TTC24: variants seen among roughly 807,000 people sequenced by gnomAD.
TTC24 encodes tetratricopeptide repeat protein 24.
Under a neutral mutation model 63.3 loss-of-function variants are expected in TTC24, and 54 were observed. The observed-to-expected ratio is 0.85, with a 90% CI of 0.69 to 1.07. The LOEUF (loss-of-function observed/expected upper bound fraction) is 1.07, where lower values mean the gene tolerates loss of function less well. Among genes scored for constraint, TTC24 ranks in the 50% least tolerant of loss-of-function variants. The probability of loss-of-function intolerance (pLI) is 0.00; values close to 1 mark genes in which losing one functional copy is unlikely to be tolerated. For missense variants in TTC24, 680 were observed against 730.5 expected (o/e 0.93, Z 0.80); for synonymous variants, 276 against 304.3 (o/e 0.91, Z 0.97).
At position 156,583,695 on chromosome 1, in the gene TTC24, G is replaced by GC. The variant is rs1677070049; in HGVS notation, c.1153-96dup. On this transcript the variant is annotated intron_variant, in intron 5 of 10. Transcript: ENST00000368236. This position sits in a 1 kb window ranked among gnomAD's most constrained non-coding sequence, Gnocchi z 4.0. ...TGGGGTAGAAGAGAGGGGAAACAAA[G>GC]CCCCCCTCCCCCCTCCCTTTCCTGT... 8 of 1,029,354 alleles carry GC rather than the reference G, an allele frequency of 7.8e-6. No homozygotes were observed. The highest frequency in any genetic ancestry group is 2.2e-5 in the Admixed American group (1 of 45,258). The allele number at this position is 1,029,354 out of a possible 1,614,324, so 63.8% of individuals were successfully genotyped here.
rs1676944538 is a variant in TTC24, at chr1:156,579,751, C to T, written c.-12C>T. ...CCAGAGAGCCAGCTGCGGAGAAGAC[C>T]CAAGGAGGTAAGGTGTCCTGCAGTG... On this transcript the variant is annotated 5_prime_UTR_variant, in exon 1 of 11. Coordinates refer to ENST00000368236, the MANE Select transcript of TTC24 (RefSeq NM_001105669.4). 1 of 152,042 alleles carries T rather than the reference C, an allele frequency of 6.6e-6. No individual in the cohort carries two copies. Among genetic ancestry groups the T allele is most frequent in the Non-Finnish European group, 1.5e-5 (1 of 68,054 alleles). 9.4% of individuals were successfully genotyped at this position (152,042 alleles called of 1,614,324 possible). A position where few individuals can be genotyped will look rare whatever the true frequency, so the allele number is the denominator to read the frequency against.
intron 6 of TTC24, among the ~76,000 whole-genome samples, chr1:156,584,347 G>C (rs1238189761): frequency 4.6e-5 from 7 of 152,052 alleles, no homozygotes; most frequent in Admixed American, 3.3e-4. Context: ...GGGTCTCTCT[G>C]TACGATTCGT....
In TTC24 at chr1:156,583,455, G is replaced by A. The variant is rs780481380; in HGVS notation, c.1152+5G>A. The A allele has an allele frequency of 8.2e-6, 13 of 1,585,914 alleles. No individual in the cohort carries two copies. Among genetic ancestry groups the A allele is most frequent in the Non-Finnish European group, 8.6e-6 (10 of 1,168,682 alleles). On this transcript the variant is annotated splice_donor_5th_base_variant and intron_variant, in intron 5 of 10. Transcript: ENST00000368236. The surrounding 1 kb of genome is among the most constrained non-coding windows in gnomAD (Gnocchi z 4.0). ...GAAGCACTGGCCCAGTGTCAGGTGA[G>A]ACCCCGCACACCGGAATCCACCTCT...
intron 7 of TTC24, 70 bp downstream of exon 7, chr1:156,585,044 G>A (rs1233598525): frequency 2.1e-5 from 33 of 1,544,136 alleles, no homozygotes; most frequent in Non-Finnish European, 1.5e-5. Flanking sequence ...TCGCAGTGGG[G>A]TAGGACCCCA....
rs1677140779 is a variant in TTC24 at position 156,585,836 on chromosome 1, G to A, written c.1570+10G>A. On this transcript the variant is annotated intron_variant, in intron 9 of 10. Coordinates refer to ENST00000368236, the MANE Select transcript of TTC24 (RefSeq NM_001105669.4). ...AAAGCCTCCATCTATAGTGAGCAGTGCATCCCCTGACACCGCCCCAACTCG... is the reference window on the plus strand; with the variant it reads ...AAAGCCTCCATCTATAGTGAGCAGTACATCCCCTGACACCGCCCCAACTCG... The A allele has an allele frequency of 6.2e-7, 1 of 1,605,868 alleles. No individual in the cohort carries two copies. The highest frequency in any genetic ancestry group is 1.7e-5 in the Admixed American group (1 of 59,988).
At position 156,583,294 on chromosome 1, in the gene TTC24, G is replaced by C. The variant is rs1677057921; in HGVS notation, c.1040-44G>C. The C allele has an allele frequency of 6.2e-7, 1 of 1,604,098 alleles. No homozygotes were observed. The highest frequency in any genetic ancestry group is 1.3e-5 in the African/African-American group (1 of 74,162). Reference sequence around the variant, plus strand: ...TGCCTCTGAGGGGGTGGATCAGTGGGGTAGGAAGTCATGAAAGGACCTTCC... The same window carrying C: ...TGCCTCTGAGGGGGTGGATCAGTGGCGTAGGAAGTCATGAAAGGACCTTCC... On this transcript the variant is annotated intron_variant, in intron 4 of 10. Transcript: ENST00000368236. This position sits in a 1 kb window ranked among gnomAD's most constrained non-coding sequence, Gnocchi z 4.0.
Position 156,582,402 on chromosome 1 carries a change from G to A in TTC24, c.878G>A (p.Arg293Gln), listed in dbSNP as rs771950910. ...HNALGNYQEA[R>Q]EFHQKAADLH... The stretch of plus-strand genomic sequence containing the variant: ...GCCCTCGGCAACTATCAGGAAGCTC[G>A]GGAGTTTCACCAGAAGGCTGCTGAC... Residue 293 changes from arginine to glutamine, a missense_variant, in exon 3 of 11, where the codon CGG becomes CAG. Coordinates refer to ENST00000368236, the MANE Select transcript of TTC24 (RefSeq NM_001105669.4). 53 of 1,613,766 alleles carry A rather than the reference G, an allele frequency of 3.3e-5. No individual in the cohort carries two copies. The highest frequency in any genetic ancestry group is 6.7e-5 in the African/African-American group (5 of 74,912).
rs764679847 is a variant in TTC24 at position 156,581,580 on chromosome 1, C to T, written c.216C>T (p.Thr72=). The T allele has an allele frequency of 1.9e-6, 3 of 1,551,512 alleles. No individual in the cohort carries two copies. Among genetic ancestry groups the T allele is most frequent in the African/African-American group, 1.4e-5 (1 of 73,052 alleles). ...TTCTGGCCTCCAAGGCCCCACAAAC[C>T]AGGGATACCCCTGTGCTCCAGGCCT... ...AFLLASKAPQ[T]RDTPVLQACA... The change falls in exon 2 of 11, where the codon ACC becomes ACT. Residue 72 remains threonine (T), a synonymous_variant. Transcript: ENST00000368236.
rs1309035106 is a variant in TTC24 at position 156,585,764 on chromosome 1, G to T, written c.1508G>T (p.Cys503Phe). 3.7e-6 allele frequency: 6 copies of T among 1,613,774 alleles called. No homozygotes were observed. The highest frequency in any genetic ancestry group is 4.2e-6 in the Non-Finnish European group (5 of 1,179,882). Residue 503 changes from cysteine (C) to phenylalanine (F), a missense_variant, in exon 9 of 11, where the codon TGC becomes TTC. Physicochemically the swap from Cys to Phe is radical, Grantham distance 205. Transcript: ENST00000368236. ...CATTCGCACCATCTAGCTTCTAGTT[G>T]CCCCACGTTTACCAAGCACACGCCC... ...VNHSHHLASS[C>F]PTFTKHTPCR...
intron 6 of TTC24, among the ~76,000 whole-genome samples, chr1:156,584,171 T>C (rs2102475626): frequency 6.6e-6 from 1 of 151,990 alleles, no homozygotes; most frequent in South Asian, 2.1e-4. Flanking sequence ...TGCAAGGAGG[T>C]AGAAAGTTTC....
rs1275980304 is a variant in TTC24 at position 156,581,327 on chromosome 1, C to T, written c.-4-34C>T. The T allele has an allele frequency of 5.6e-6, 8 of 1,439,110 alleles. No homozygotes were observed. In the East Asian group the frequency reaches 2.0e-4, roughly 36 times the overall value. The allele number at this position is 1,439,110 out of a possible 1,614,324, so 89.1% of individuals were successfully genotyped here. A position where few individuals can be genotyped will look rare whatever the true frequency, so the allele number is the denominator to read the frequency against. ...TCCTGCTATCTAGAGGAAGCCAAGG[C>T]TGACATACTGAGCCCTCTGTTCCCC... On this transcript the variant is annotated intron_variant, in intron 1 of 10. Transcript: ENST00000368236.
Position 156,583,927 on chromosome 1 carries a change from G to A in TTC24, c.1251+32G>A. ...TGACACCTGAGACAAGGAGATGGGG[G>A]TGGAGAGAGGTTACCCAGAGAAGGG... On this transcript the variant is annotated intron_variant, in intron 6 of 10. Coordinates refer to ENST00000368236, the MANE Select transcript of TTC24 (RefSeq NM_001105669.4). This position sits in a 1 kb window ranked among gnomAD's most constrained non-coding sequence, Gnocchi z 4.0. The A allele has an allele frequency of 6.5e-7, 1 of 1,530,758 alleles. No individual in the cohort carries two copies. The highest frequency in any genetic ancestry group is 8.9e-7 in the Non-Finnish European group (1 of 1,126,564). 94.8% of individuals were successfully genotyped at this position (1,530,758 alleles called of 1,614,324 possible). A position where few individuals can be genotyped will look rare whatever the true frequency, so the allele number is the denominator to read the frequency against.
intron 8 of TTC24, 156 bp downstream of exon 8, chr1:156,585,387 TG>T: frequency 1.6e-6 from 1 of 611,206 alleles, no homozygotes; most frequent in Non-Finnish European, 2.8e-6. Context: ...GCGCCACCCC[TG>T]ACCCTGGCTG....
Position 156,583,862 on chromosome 1 carries a change from G to T in TTC24, c.1218G>T (p.Leu406Phe). The T allele has an allele frequency of 6.3e-7, 1 of 1,584,572 alleles. No individual in the cohort carries two copies. The highest frequency in any genetic ancestry group is 2.3e-5 in the East Asian group (1 of 43,388). Reference sequence around the variant, plus strand: ...TGGCAGACACCGTGAGGACGCGCTTGGCCCAGGTGGGGCTGGTCCAGACTC... The same window carrying T: ...TGGCAGACACCGTGAGGACGCGCTTTGCCCAGGTGGGGCTGGTCCAGACTC... ...AKLADTVRTR[L>F]AQVGLVQTHT... is the part of the protein sequence containing the mutation. The change falls in exon 6 of 11, where the codon TTG (leucine) becomes TTT (phenylalanine). Residue 406 changes from leucine to phenylalanine, a missense_variant. Physicochemically the swap from Leu to Phe is conservative, Grantham distance 22. Coordinates refer to ENST00000368236, the MANE Select transcript of TTC24 (RefSeq NM_001105669.4). The surrounding 1 kb of genome is among the most constrained non-coding windows in gnomAD (Gnocchi z 4.0).
At chr1:156,585,554 T>C in intron 8 of TTC24, 159 bp from the exon 9 acceptor site, 2 of 634,020 alleles carry the variant, frequency 3.2e-6, no homozygotes, top group Middle Eastern at 3.0e-4. Context: ...CCCCAGGGTT[T>C]TGCTGAAAGC....
chr1:156,585,231 C>T lies in TTC24; in HGVS notation c.1456C>T (p.Leu486=), dbSNP rs755338945. 2.5e-6 allele frequency: 4 copies of T among 1,608,906 alleles called. No homozygotes were observed. The Admixed American group carries it at 5.1e-5, about 20-fold the overall frequency. The change falls in exon 8 of 11, where the codon CTG becomes TTG. Residue 486 remains leucine, a splice_region_variant and synonymous_variant. Transcript: ENST00000368236. ...GAGGGCTGGGCCGGGAAGACCAGAG[C>T]GTGAGTTGATGTAGAGTATTCCTGG... ...PVRAGPGRPE[L]CFLPGTVNHS... is the part of the protein sequence containing the mutation.
chr1:156,582,779 T>A (rs938499662), intron 3 of TTC24, among the ~76,000 whole-genome samples: 1 of 152,166 alleles, frequency 6.6e-6, no homozygotes, highest in African/African-American at 2.4e-5. Flanking sequence ...TCCACATTTT[T>A]AAAAACGGGG....
At chr1:156,584,042 A>C (rs1325602428) in intron 6 of TTC24, 147 bp downstream of exon 6, 1 of 666,062 alleles carries the variant, frequency 1.5e-6, no homozygotes, top group African/African-American at 1.8e-5. Context: ...CGCATGAGAT[A>C]TATCACTTTC....
intron 6 of TTC24, among the ~76,000 whole-genome samples, chr1:156,584,173 GAA>G (rs1025627092): frequency 1.3e-5 from 2 of 152,210 alleles, no homozygotes; most frequent in African/African-American, 4.8e-5. Context: ...CAAGGAGGTA[GAA>G]AGTTTCAAGT....
Sources: allele counts gnomAD v4.1 joint callset (sites outside exome capture counted in the v4.1 genomes callset), GRCh38; gene constraint gnomAD v4.1.1; non-coding constraint Gnocchi (gnomAD v3.1); transcripts MANE v1.5; gene names NCBI Gene and HGNC (gene_info 2026-07-23, HGNC 2026-07-21).